The following ZFAND3 variants were observed in gnomAD, a reference collection of about 807,000 sequenced individuals.
The protein encoded by ZFAND3 is AN1-type zinc finger protein 3.
A neutral mutation model predicts 29.6 loss-of-function variants in ZFAND3; 10 were observed. The ratio of observed to expected loss-of-function variants is 0.34; its 90% CI spans 0.21 to 0.57. The LOEUF (loss-of-function observed/expected upper bound fraction) is 0.57. Among genes scored for constraint, ZFAND3 ranks in the 20% least tolerant of loss-of-function variants. ZFAND3 has a pLI of 0.86. For synonymous variants in ZFAND3, 128 were observed against 112.6 expected, an observed-to-expected ratio of 1.14 and a Z score of -0.87; for missense variants, 230 against 304.5, an observed-to-expected ratio of 0.76 and a Z score of 1.82.
At chr6:38,124,526 G>T (rs1469936342) in intron 5 of ZFAND3, among the ~76,000 whole-genome samples, 3 of 152,240 alleles carry the variant, frequency 2.0e-5, no homozygotes, top group Non-Finnish European at 4.4e-5. Context: ...CGCAGTGCCG[G>T]TGGGCCGCAC....
At chr6:38,092,476 A>G (rs897529893) in intron 4 of ZFAND3, among the ~76,000 whole-genome samples, 2 of 152,252 alleles carry the variant, frequency 1.3e-5, no homozygotes, top group African/African-American at 4.8e-5. Context: ...AGATTATGCC[A>G]ATCATTAGGA....
At chr6:38,147,770 T>G (rs1766140481) in intron 5 of ZFAND3, among the ~76,000 whole-genome samples, 2 of 152,252 alleles carry the variant, frequency 1.3e-5, no homozygotes, top group Admixed American at 6.5e-5. Context: ...CTGTACATCT[T>G]CTTTTGATAA....
intron 2 of ZFAND3, among the ~76,000 whole-genome samples, chr6:37,992,819 T>G (rs1228129751): frequency 6.6e-6 from 1 of 152,208 alleles, no homozygotes; most frequent in Non-Finnish European, 1.5e-5. Flanking sequence ...AATTTTGGTT[T>G]GTTTTTTTGT....
chr6:37,877,467 G>A (rs1472305384), intron 1 of ZFAND3, among the ~76,000 whole-genome samples: 3 of 152,156 alleles, frequency 2.0e-5, no homozygotes, highest in Non-Finnish European at 2.9e-5. Flanking sequence ...AGTAGTAATA[G>A]AGGAGATGGT....
chr6:37,934,932 A>G (rs529677931), intron 2 of ZFAND3, among the ~76,000 whole-genome samples: 11 of 150,340 alleles, frequency 7.3e-5, no homozygotes, highest in East Asian at 1.9e-4. Context: ...TTATTTTTCT[A>G]CCTTCCCCGT....
chr6:38,113,250 A>T (rs1473744982), intron 4 of ZFAND3, among the ~76,000 whole-genome samples: 1 of 152,176 alleles, frequency 6.6e-6, no homozygotes, highest in Admixed American at 6.5e-5. Context: ...CTGTACATGG[A>T]TGCCTTTGGT....
intron 2 of ZFAND3, among the ~76,000 whole-genome samples, chr6:37,943,016 A>G (rs747193950): frequency 6.6e-6 from 1 of 152,198 alleles, no homozygotes; most frequent in Non-Finnish European, 1.5e-5. Context: ...GTATTAACCT[A>G]TGCAAACAAG....
At chr6:37,899,889 G>T (rs1008052624) in intron 1 of ZFAND3, among the ~76,000 whole-genome samples, 4 of 152,094 alleles carry the variant, frequency 2.6e-5, no homozygotes, top group Non-Finnish European at 4.4e-5. Flanking sequence ...ACTTTGTACT[G>T]TGCTTAACCA....
chr6:37,843,362 C>G (rs966925844), intron 1 of ZFAND3, among the ~76,000 whole-genome samples: 1 of 151,772 alleles, frequency 6.6e-6, no homozygotes, highest in Non-Finnish European at 1.5e-5. Context: ...TGGCGGGCAC[C>G]TGTAGTCCCA....
intron 1 of ZFAND3, among the ~76,000 whole-genome samples, chr6:37,882,229 C>T (rs1764910023): frequency 6.6e-6 from 1 of 152,100 alleles, no homozygotes; most frequent in Non-Finnish European, 1.5e-5. Flanking sequence ...CCAACCTCCC[C>T]TGAAATAGAA....
chr6:38,061,266 A>G (rs1764233779), intron 2 of ZFAND3, among the ~76,000 whole-genome samples: 1 of 152,202 alleles, frequency 6.6e-6, no homozygotes, highest in Non-Finnish European at 1.5e-5. Context: ...TCCTTCTGAA[A>G]AGTTTGAAAA....
intron 1 of ZFAND3, among the ~76,000 whole-genome samples, chr6:37,846,233 A>G (rs2127376858): frequency 6.6e-6 from 1 of 152,332 alleles, no homozygotes; most frequent in Non-Finnish European, 1.5e-5. Flanking sequence ...GCTTAAATGT[A>G]TTCAATGAAA....
At chr6:37,967,375 C>G (rs1383180101) in intron 2 of ZFAND3, among the ~76,000 whole-genome samples, 5 of 152,098 alleles carry the variant, frequency 3.3e-5, no homozygotes, top group Admixed American at 6.5e-5. Flanking sequence ...TGCTTTCTGG[C>G]ACAAAAAAGA....
At chr6:37,891,133 G>A (rs1765089558) in intron 1 of ZFAND3, among the ~76,000 whole-genome samples, 1 of 152,064 alleles carries the variant, frequency 6.6e-6, no homozygotes, top group Non-Finnish European at 1.5e-5. Flanking sequence ...TTCCTTCTTT[G>A]GGACATTTCA....
intron 2 of ZFAND3, among the ~76,000 whole-genome samples, chr6:38,011,495 G>A (rs769491927): frequency 5.9e-5 from 9 of 151,970 alleles, no homozygotes; most frequent in Non-Finnish European, 1.0e-4. Flanking sequence ...AAAAAATTTT[G>A]GTCATTCCAC....
intron 1 of ZFAND3, among the ~76,000 whole-genome samples, chr6:37,833,591 G>A (rs1763903673): frequency 2.0e-5 from 3 of 152,102 alleles, no homozygotes; most frequent in Admixed American, 2.0e-4. Context: ...TTGGGAGGCC[G>A]AGGCAGGCAG....
chr6:37,943,979 C>T (rs1761855678), intron 2 of ZFAND3, among the ~76,000 whole-genome samples: 1 of 152,148 alleles, frequency 6.6e-6, no homozygotes, highest in Non-Finnish European at 1.5e-5. Context: ...GTTGCAACAA[C>T]CCTTTAATTT....
chr6:37,991,348 T>G (rs1391458643), intron 2 of ZFAND3, among the ~76,000 whole-genome samples: 1 of 151,916 alleles, frequency 6.6e-6, no homozygotes, highest in African/African-American at 2.4e-5. Flanking sequence ...ATTTTATTAT[T>G]TATTATTTAC....
At chr6:38,049,682 T>C (rs936413149) in intron 2 of ZFAND3, among the ~76,000 whole-genome samples, 1 of 152,182 alleles carries the variant, frequency 6.6e-6, no homozygotes, top group Admixed American at 6.5e-5. Flanking sequence ...GGATAAAAAT[T>C]AGTCAGTTAG....
Sources: gnomAD v4.1 joint callset for allele counts (sites outside exome capture counted in the v4.1 genomes callset) on GRCh38, gnomAD v4.1.1 for gene constraint, MANE v1.5 for transcripts, NCBI Gene and HGNC (gene_info 2026-07-23, HGNC 2026-07-21) for gene names.